SRGAP3: variants seen among roughly 807,000 people sequenced by gnomAD.
The protein encoded by SRGAP3 is SLIT-ROBO Rho GTPase-activating protein 3.
In SRGAP3, 39 loss-of-function variants were observed where a neutral mutation model predicts 121.1. The observed-to-expected ratio is 0.32, with a 90% CI of 0.25 to 0.42. The LOEUF is 0.42. Ranked by LOEUF, SRGAP3 falls within the 10% of genes least tolerant of loss-of-function variation. The pLI is 1.00. For missense variants in SRGAP3, 1,213 were observed against 1,470.6 expected (o/e 0.82, Z 2.86); for synonymous variants, 601 against 570.0 (o/e 1.05, Z -0.77).
chr3:9,292,636 C>T (rs1348999424), intron 3 of SRGAP3: 1 of 152,156 alleles, frequency 6.6e-6, no homozygotes, highest in African/African-American at 2.4e-5. Context: ...CGGTAACTGC[C>T]AATCAGATCT....
At chr3:9,046,329 A>G (rs1024914140) in intron 10 of SRGAP3, among the ~76,000 whole-genome samples, 2 of 152,166 alleles carry the variant, frequency 1.3e-5, no homozygotes, top group Non-Finnish European at 2.9e-5. Context: ...TTTGAGGGTG[A>G]CTGAAATGCT....
At chr3:9,264,101 C>G in intron 3 of SRGAP3, among the ~76,000 whole-genome samples, 1 of 152,180 alleles carries the variant, frequency 6.6e-6, no homozygotes, top group East Asian at 1.9e-4. Context: ...ATCACATAAA[C>G]AGAACCAATG....
chr3:9,268,596 AC>A lies in SRGAP3; in HGVS notation n.442+57413del, dbSNP rs370502966. On this transcript the variant is annotated intron_variant and non_coding_transcript_variant, in intron 3 of 3. Transcript: ENST00000490889. ...ACCTCAGCACCAGGCACCAGCCAAC[AC>A]ATCAAAAGCAGTCTTGTAAGAGACC... Among the ~76,000 whole-genome samples, 116 of 152,216 alleles carry A rather than the reference AC, an allele frequency of 7.6e-4. No individual in the cohort carries two copies. The South Asian group carries it at 0.011, about 15-fold the overall frequency.
chr3:9,140,877 G>A (rs1242320039), intron 1 of SRGAP3, among the ~76,000 whole-genome samples: 1 of 152,216 alleles, frequency 6.6e-6, no homozygotes, highest in Non-Finnish European at 1.5e-5. Flanking sequence ...TTGGCCCTGG[G>A]AAAGTAATTA....
intron 3 of SRGAP3, among the ~76,000 whole-genome samples, chr3:9,093,530 T>A (rs1437642830): frequency 6.6e-6 from 1 of 151,618 alleles, no homozygotes; most frequent in Non-Finnish European, 1.5e-5. Context: ...TCCATCCATA[T>A]ACCCATCAAC....
intron 3 of SRGAP3, among the ~76,000 whole-genome samples, chr3:9,304,888 C>T (rs1955131088): frequency 6.6e-6 from 1 of 152,232 alleles, no homozygotes; most frequent in South Asian, 2.1e-4. Flanking sequence ...CCATTCTCCA[C>T]CTGCTCACCT....
intron 4 of SRGAP3, among the ~76,000 whole-genome samples, chr3:9,074,605 A>G (rs889354473): frequency 3.3e-5 from 5 of 152,218 alleles, no homozygotes; most frequent in Non-Finnish European, 7.3e-5. Flanking sequence ...GTCATCCTAG[A>G]AAGACACGCA....
chr3:9,259,962 T>A (rs548414499), intron 3 of SRGAP3, among the ~76,000 whole-genome samples: 1 of 151,078 alleles, frequency 6.6e-6, no homozygotes, highest in East Asian at 2.0e-4. Flanking sequence ...CCTCATCTCA[T>A]TGGGCCTGGT....
chr3:9,029,142 G>A (rs1032700197), intron 12 of SRGAP3, among the ~76,000 whole-genome samples: 2 of 152,156 alleles, frequency 1.3e-5, no homozygotes, highest in Non-Finnish European at 2.9e-5. Context: ...CAGCCTGGTC[G>A]AACAGGCTGT....
At chr3:9,002,627 A>G (rs1942836376) in intron 18 of SRGAP3, among the ~76,000 whole-genome samples, 2 of 152,126 alleles carry the variant, frequency 1.3e-5, no homozygotes, top group African/African-American at 4.8e-5. Flanking sequence ...CAGAAAAACA[A>G]TAGAGAAAAT....
At chr3:9,359,195 G>A (rs947729584) in intron 1 of SRGAP3, among the ~76,000 whole-genome samples, 1 of 152,214 alleles carries the variant, frequency 6.6e-6, no homozygotes, top group African/African-American at 2.4e-5. Context: ...CTCAGGGACA[G>A]TCATGATCTT....
intron 12 of SRGAP3, among the ~76,000 whole-genome samples, chr3:9,028,856 T>A (rs1160719406): frequency 6.6e-6 from 1 of 152,140 alleles, no homozygotes; most frequent in African/African-American, 2.4e-5. Flanking sequence ...GAAAGGGAAG[T>A]TGAGTCAGAA....
At chr3:9,289,412 A>G (rs1410041537) in intron 3 of SRGAP3, among the ~76,000 whole-genome samples, 1 of 152,232 alleles carries the variant, frequency 6.6e-6, no homozygotes, top group Non-Finnish European at 1.5e-5. Flanking sequence ...AAACTTCATC[A>G]AAATGAATTC....
At position 8,994,351 on chromosome 3, in the gene SRGAP3, T is replaced by C; in HGVS notation, c.2400A>G (p.Val800=). 2 of 1,614,182 alleles carry C rather than the reference T, an allele frequency of 1.2e-6. No individual in the cohort carries two copies. Among genetic ancestry groups the C allele is most frequent in the Non-Finnish European group, 1.7e-6 (2 of 1,180,036 alleles). Residue 800 remains valine, a synonymous_variant, in exon 19 of 22, where the codon GTA becomes GTG. Coordinates refer to ENST00000383836, the MANE Select transcript of SRGAP3 (RefSeq NM_014850.4). ...DGLIPHQYIV[V]QDMDDAFSDS... is the part of the protein sequence containing the mutation. ...TTCTCGACTCCACTCACATGTCCTG[T>C]ACAACTATGTACTGATGGGGGATGA...
chr3:9,059,413 T>C (rs910206294), intron 6 of SRGAP3: 5 of 152,310 alleles, frequency 3.3e-5, no homozygotes, highest in African/African-American at 1.2e-4. Flanking sequence ...CTCCTTGCGA[T>C]GCTGACAATG....
chr3:9,112,448 G>A (rs1948663259), intron 2 of SRGAP3, among the ~76,000 whole-genome samples: 1 of 152,230 alleles, frequency 6.6e-6, no homozygotes, highest in African/African-American at 2.4e-5. Flanking sequence ...TCTGTGCCAG[G>A]CAATGGTAAG....
intron 1 of SRGAP3, among the ~76,000 whole-genome samples, chr3:9,131,079 A>G (rs2287494): frequency 0.52 from 79,331 of 152,176 alleles, 22,666 homozygotes; most frequent in African/African-American, 0.78. Flanking sequence ...TACCCATCTC[A>G]TTATTTCTAA....
At chr3:9,091,022 C>T (rs1479664145) in intron 3 of SRGAP3, among the ~76,000 whole-genome samples, 2 of 133,352 alleles carry the variant, frequency 1.5e-5, no homozygotes, top group East Asian at 2.2e-4. Flanking sequence ...ATGTCATTCT[C>T]TATGTCTAAA....
intron 2 of SRGAP3, among the ~76,000 whole-genome samples, chr3:9,123,019 T>G (rs1949071750): frequency 6.6e-6 from 1 of 152,208 alleles, no homozygotes; most frequent in African/African-American, 2.4e-5. Flanking sequence ...AAGAACATTC[T>G]GACACATGCT....
Sources: allele counts gnomAD v4.1 joint callset (sites outside exome capture counted in the v4.1 genomes callset), GRCh38; gene constraint gnomAD v4.1.1; transcripts MANE v1.5; gene names NCBI Gene and HGNC (gene_info 2026-07-23, HGNC 2026-07-21).